DLGAP2: variants seen among roughly 807,000 people sequenced by gnomAD.
DLGAP2 encodes DLG associated protein 2.
Under a neutral mutation model 100.3 loss-of-function variants are expected in DLGAP2, and 26 were observed. That is an observed-to-expected ratio of 0.26 (90% CI 0.19 to 0.36). The LOEUF (loss-of-function observed/expected upper bound fraction) is 0.36. Ranked by LOEUF, DLGAP2 falls within the 10% of genes least tolerant of loss-of-function variation. The pLI is 1.00. For synonymous variants in DLGAP2, 886 were observed against 630.1 expected (o/e 1.41, Z -6.08); for missense variants, 1,858 against 1,453.2 (o/e 1.28, Z -4.53).
chr8:1,000,066 A>G (rs1236677037), intron 2 of DLGAP2, among the ~76,000 whole-genome samples: 1 of 147,160 alleles, frequency 6.8e-6, no homozygotes, highest in Non-Finnish European at 1.5e-5. Context: ...TCTAGAGCAG[A>G]GAGATCCGGG....
chr8:1,284,791 T>C (rs555984879), intron 3 of DLGAP2, among the ~76,000 whole-genome samples: 61 of 152,270 alleles, frequency 4.0e-4, no homozygotes, highest in African/African-American at 1.4e-3. Flanking sequence ...TGCGTGTTTA[T>C]TGAGAGATGA....
At chr8:1,233,785 T>C (rs1423085832) in intron 2 of DLGAP2, among the ~76,000 whole-genome samples, 1 of 152,234 alleles carries the variant, frequency 6.6e-6, no homozygotes, top group Non-Finnish European at 1.5e-5. Flanking sequence ...CTGTACTCCC[T>C]ACTTGAAAAT....
chr8:1,501,127 G>A (rs575150099), intron 3 of DLGAP2, among the ~76,000 whole-genome samples: 5 of 152,274 alleles, frequency 3.3e-5, no homozygotes, highest in South Asian at 4.2e-4. Context: ...GCCTATGTCC[G>A]TGTCTAGGTG....
intron 1 of DLGAP2, among the ~76,000 whole-genome samples, chr8:820,892 A>T (rs1243725484): frequency 6.6e-6 from 1 of 152,216 alleles, no homozygotes; most frequent in Non-Finnish European, 1.5e-5. Context: ...CTGTACCGAT[A>T]TGGAGAAATG....
chr8:1,308,948 T>C (rs1800552463), intron 3 of DLGAP2, among the ~76,000 whole-genome samples: 1 of 152,172 alleles, frequency 6.6e-6, no homozygotes. Flanking sequence ...GCAGACATTC[T>C]GGAGAAAAAT....
At chr8:1,415,786 G>A (rs1796867089) in intron 3 of DLGAP2, among the ~76,000 whole-genome samples, 1 of 152,186 alleles carries the variant, frequency 6.6e-6, no homozygotes, top group African/African-American at 2.4e-5. Context: ...GAACATACAT[G>A]TGTCAGTGTC....
At chr8:1,614,320 C>T (rs115419007) in intron 6 of DLGAP2, among the ~76,000 whole-genome samples, 25 of 152,336 alleles carry the variant, frequency 1.6e-4, no homozygotes, top group African/African-American at 6.0e-4. Flanking sequence ...GAGGGTGAAT[C>T]TCACCTCAGA....
intron 5 of DLGAP2, 65 bp downstream of exon 5, chr8:1,549,748 T>C: frequency 1.4e-6 from 2 of 1,424,996 alleles, no homozygotes; most frequent in Non-Finnish European, 1.9e-6. Context: ...CGTTATTCCT[T>C]TTTTAATTGA....
chr8:1,142,802 A>G (rs903868817), intron 2 of DLGAP2, among the ~76,000 whole-genome samples: 3 of 152,126 alleles, frequency 2.0e-5, no homozygotes, highest in Non-Finnish European at 2.9e-5. Context: ...AAAAGCAAGG[A>G]AAGCCAGCCC....
At chr8:1,077,621 A>G (rs948883744) in intron 2 of DLGAP2, among the ~76,000 whole-genome samples, 1 of 152,144 alleles carries the variant, frequency 6.6e-6, no homozygotes, top group Non-Finnish European at 1.5e-5. Flanking sequence ...TAAACCACCA[A>G]TGGCCATACA....
At chr8:1,183,327 A>G (rs748903663) in intron 2 of DLGAP2, among the ~76,000 whole-genome samples, 1 of 152,220 alleles carries the variant, frequency 6.6e-6, no homozygotes, top group Non-Finnish European at 1.5e-5. Flanking sequence ...GAAAACAGCC[A>G]ATTTGTAATT....
rs370410799 is a variant in DLGAP2, at chr8:867,664, A to G, written c.19-40248A>G. Among the ~76,000 whole-genome samples the G allele has an allele frequency of 1.0e-3, 157 of 152,300 alleles. 3 individuals are homozygous for G. Among genetic ancestry groups the G allele is most frequent in the African/African-American group, 3.7e-3 (155 of 41,574 alleles). Reference sequence around the variant, plus strand: ...CTGACACTGGCTCGGGTGTAGCCTCATGATTTAATGTGAGACATTGCTGTC... The same window carrying G: ...CTGACACTGGCTCGGGTGTAGCCTCGTGATTTAATGTGAGACATTGCTGTC... On this transcript the variant is annotated intron_variant, in intron 1 of 14. Transcript: ENST00000637795.
At chr8:768,706 C>A (rs1011165691) in intron 1 of DLGAP2, among the ~76,000 whole-genome samples, 1 of 151,968 alleles carries the variant, frequency 6.6e-6, no homozygotes, top group Non-Finnish European at 1.5e-5. Flanking sequence ...TTACAGATGG[C>A]GCTGATAATC....
At chr8:1,555,638 C>T (rs1584922831) in intron 5 of DLGAP2, among the ~76,000 whole-genome samples, 1 of 152,164 alleles carries the variant, frequency 6.6e-6, no homozygotes, top group Non-Finnish European at 1.5e-5. Flanking sequence ...ACTGTCTCCC[C>T]GGCTGGACTC....
At chr8:1,334,540 G>C (rs1383763295) in intron 3 of DLGAP2, among the ~76,000 whole-genome samples, 1 of 152,194 alleles carries the variant, frequency 6.6e-6, no homozygotes, top group Non-Finnish European at 1.5e-5. Flanking sequence ...CTTCCAGTGA[G>C]GAAGTCACGC....
At chr8:872,394 C>G (rs535422858) in intron 1 of DLGAP2, among the ~76,000 whole-genome samples, 1 of 146,258 alleles carries the variant, frequency 6.8e-6, no homozygotes, top group East Asian at 2.0e-4. Flanking sequence ...AGTACAACGG[C>G]GCGATCTCGG....
At chr8:947,109 G>A (rs1349108265) in intron 2 of DLGAP2, among the ~76,000 whole-genome samples, 2 of 152,198 alleles carry the variant, frequency 1.3e-5, no homozygotes, top group Non-Finnish European at 2.9e-5. Flanking sequence ...CTGGCTCCGG[G>A]TGCGCCCGCA....
At chr8:1,334,100 G>T (rs1003401510) in intron 3 of DLGAP2, among the ~76,000 whole-genome samples, 2 of 152,248 alleles carry the variant, frequency 1.3e-5, no homozygotes, top group African/African-American at 4.8e-5. Flanking sequence ...CTCATGCCTG[G>T]ACTGGAAAGA....
chr8:1,467,890 C>T (rs893959878), intron 3 of DLGAP2, among the ~76,000 whole-genome samples: 1 of 152,192 alleles, frequency 6.6e-6, no homozygotes, highest in Non-Finnish European at 1.5e-5. Flanking sequence ...GTCAGGAGGC[C>T]ACCACATCAT....
Sources: allele counts gnomAD v4.1 joint callset (sites outside exome capture counted in the v4.1 genomes callset), GRCh38; gene constraint gnomAD v4.1.1; transcripts MANE v1.5; gene names NCBI Gene and HGNC (gene_info 2026-07-23, HGNC 2026-07-21).